Variants in GPC6 observed in about 807,000 individuals in gnomAD.
GPC6 encodes glypican-6.
Under a neutral mutation model 55.2 loss-of-function variants are expected in GPC6, and 14 were observed. The ratio of observed to expected loss-of-function variants is 0.25; its 90% CI spans 0.17 to 0.40. The LOEUF is 0.40. Ranked by LOEUF, GPC6 falls within the 10% of genes least tolerant of loss-of-function variation. The pLI is 1.00. For missense variants in GPC6, 641 were observed against 708.5 expected (o/e 0.90, Z 1.08); for synonymous variants, 278 against 259.6 (o/e 1.07, Z -0.68).
At chr13:93,384,664 A>T (rs1054301174) in intron 1 of GPC6, among the ~76,000 whole-genome samples, 6 of 152,200 alleles carry the variant, frequency 3.9e-5, no homozygotes, top group African/African-American at 1.4e-4. Flanking sequence ...TGTTCAACAT[A>T]ATAGGAAGTT....
chr13:93,732,301 C>T (rs957892276), intron 2 of GPC6, among the ~76,000 whole-genome samples: 1 of 152,128 alleles, frequency 6.6e-6, no homozygotes, highest in African/African-American at 2.4e-5. Flanking sequence ...ATGTTTGCAG[C>T]TGACAGTCCT....
At chr13:93,764,151 T>C (rs887363238) in intron 2 of GPC6, among the ~76,000 whole-genome samples, 1 of 152,088 alleles carries the variant, frequency 6.6e-6, no homozygotes, top group Non-Finnish European at 1.5e-5. Flanking sequence ...GCCTCTAATA[T>C]ATAGTAGACC....
At chr13:94,271,014 G>T (rs1438547376) in intron 4 of GPC6, among the ~76,000 whole-genome samples, 2 of 109,218 alleles carry the variant, frequency 1.8e-5, no homozygotes, top group African/African-American at 7.1e-5. Flanking sequence ...TTCTGAGACG[G>T]AGTCTCGCTC....
intron 2 of GPC6, among the ~76,000 whole-genome samples, chr13:93,699,094 A>G (rs1378350690): frequency 6.6e-6 from 1 of 152,062 alleles, no homozygotes; most frequent in Non-Finnish European, 1.5e-5. Context: ...AAAAGTAAAG[A>G]GTTAATTAGA....
chr13:93,413,102 A>G (rs1227500949), intron 1 of GPC6, among the ~76,000 whole-genome samples: 2 of 152,226 alleles, frequency 1.3e-5, no homozygotes, highest in Non-Finnish European at 1.5e-5. Flanking sequence ...AGTGATAAAA[A>G]TAAATCCATG....
intron 6 of GPC6, among the ~76,000 whole-genome samples, chr13:94,310,325 T>C (rs536695573): frequency 2.6e-5 from 4 of 152,266 alleles, no homozygotes; most frequent in South Asian, 2.1e-4. Flanking sequence ...AAGTTGGTGA[T>C]GACTTAGAGC....
At chr13:93,467,374 AG>A (rs1878944824) in intron 1 of GPC6, among the ~76,000 whole-genome samples, 1 of 152,148 alleles carries the variant, frequency 6.6e-6, no homozygotes, top group Non-Finnish European at 1.5e-5. Context: ...GGTATGCACC[AG>A]GAGGGTGGTC....
chr13:94,244,658 A>G, intron 4 of GPC6, among the ~76,000 whole-genome samples: 1 of 152,176 alleles, frequency 6.6e-6, no homozygotes, highest in East Asian at 1.9e-4. Context: ...ACATCCATTT[A>G]TATGAGAGAT....
At chr13:93,971,697 C>T (rs1445621756) in intron 3 of GPC6, among the ~76,000 whole-genome samples, 1 of 152,144 alleles carries the variant, frequency 6.6e-6, no homozygotes, top group Non-Finnish European at 1.5e-5. Context: ...AAGGATAAAA[C>T]ACATGTAGCC....
intron 8 of GPC6, among the ~76,000 whole-genome samples, chr13:94,399,408 G>A (rs1881034192): frequency 6.6e-6 from 1 of 152,226 alleles, no homozygotes. Context: ...GGTTTTGTCT[G>A]AGTAGTTTCA....
At position 94,057,833 on chromosome 13, in the gene GPC6, A is replaced by G. The variant is rs74111426; in HGVS notation, c.877+29939A>G. Among the ~76,000 whole-genome samples, 482 of 152,344 alleles carry G rather than the reference A, an allele frequency of 3.2e-3. 5 individuals carry two copies. Among genetic ancestry groups the G allele is most frequent in the African/African-American group, 0.01 (429 of 41,590 alleles). ...AAAAGCCCAGCAGAAATTAAACAGG[A>G]CAGCTGATAAAAGACAGATCATTTA... On this transcript the variant is annotated intron_variant, in intron 4 of 8. Transcript: ENST00000377047.
chr13:94,047,444 G>A (rs1473444199), intron 4 of GPC6, among the ~76,000 whole-genome samples: 2 of 151,882 alleles, frequency 1.3e-5, no homozygotes, highest in African/African-American at 2.4e-5. Context: ...TTCCCAGAAA[G>A]GGTCAAGAAA....
chr13:93,638,403 C>T (rs1181980576), intron 2 of GPC6, among the ~76,000 whole-genome samples: 1 of 151,954 alleles, frequency 6.6e-6, no homozygotes, highest in Non-Finnish European at 1.5e-5. Flanking sequence ...TAAATGTTGA[C>T]CAAAGCAAAA....
At position 94,168,449 on chromosome 13, in the gene GPC6, C is replaced by T. The variant is rs1202240171; in HGVS notation, c.878-117900C>T. Among the ~76,000 whole-genome samples, 4 of 152,176 alleles carry T rather than the reference C, an allele frequency of 2.6e-5. No homozygotes were observed. In the East Asian group the frequency reaches 7.7e-4, roughly 29 times the overall value. On this transcript the variant is annotated intron_variant, in intron 4 of 8. Coordinates refer to ENST00000377047, the MANE Select transcript of GPC6 (RefSeq NM_005708.5). ...GAGGAGACCATAAATGAAACAATAT[C>T]ATCATTCCCCTAATAACATTTTTAT...
intron 4 of GPC6, among the ~76,000 whole-genome samples, chr13:94,237,939 T>C (rs1464100626): frequency 6.6e-6 from 1 of 152,104 alleles, no homozygotes; most frequent in East Asian, 1.9e-4. Flanking sequence ...AGGCAAGAGA[T>C]TATGCTGGCT....
intron 2 of GPC6, among the ~76,000 whole-genome samples, chr13:93,684,745 T>C (rs991464671): frequency 6.6e-6 from 1 of 152,148 alleles, no homozygotes; most frequent in Admixed American, 6.6e-5. Flanking sequence ...AAAAATTTTA[T>C]TGTAATATTA....
intron 1 of GPC6, among the ~76,000 whole-genome samples, chr13:93,372,014 G>T (rs1231520010): frequency 6.6e-6 from 1 of 151,994 alleles, no homozygotes; most frequent in Non-Finnish European, 1.5e-5. Flanking sequence ...CATCTTATTG[G>T]GTTATTCGAT....
At chr13:93,753,747 C>G (rs1219544737) in intron 2 of GPC6, among the ~76,000 whole-genome samples, 1 of 152,106 alleles carries the variant, frequency 6.6e-6, no homozygotes, top group Non-Finnish European at 1.5e-5. Flanking sequence ...CCACCCTTCC[C>G]AGCCTCTGGT....
chr13:93,229,159 C>A (rs1875923356), intron 1 of GPC6, among the ~76,000 whole-genome samples: 1 of 152,168 alleles, frequency 6.6e-6, no homozygotes, highest in Admixed American at 6.5e-5. Context: ...ACTGTCCCCA[C>A]AGCTCCTTAA....
Sources: gnomAD v4.1 joint callset for allele counts (sites outside exome capture counted in the v4.1 genomes callset) on GRCh38, gnomAD v4.1.1 for gene constraint, MANE v1.5 for transcripts, NCBI Gene and HGNC (gene_info 2026-07-23, HGNC 2026-07-21) for gene names.